The following DOCK5 variants were observed in gnomAD, a reference collection of about 807,000 sequenced individuals.
The protein encoded by DOCK5 is dedicator of cytokinesis protein 5.
Under a neutral mutation model 251.8 loss-of-function variants are expected in DOCK5, and 142 were observed. The observed-to-expected ratio is 0.56, with a 90% CI of 0.49 to 0.65. The LOEUF is 0.65. DOCK5 is among the 30% of genes least tolerant of loss of function. The pLI, the probability that DOCK5 is intolerant of heterozygous loss-of-function variation, is 0.00. For missense variants in DOCK5, 2,111 were observed against 2,312.3 expected (o/e 0.91, Z 1.79); for synonymous variants, 842 against 835.5 (o/e 1.01, Z -0.13).
At position 25,340,635 on chromosome 8, in the gene DOCK5, G is replaced by C. The variant is rs758854775; in HGVS notation, c.2328-242G>C. 2.0e-5 allele frequency among the ~76,000 whole-genome samples: 3 copies of C among 152,150 alleles called. No individual in the cohort carries two copies. The South Asian group carries it at 6.2e-4, about 32-fold the overall frequency. ...TGGTAGAGCAGGCCAGCATCGGCAC[G>C]GGCAGTTCAGTGGCTAAAGTGGAAC... On this transcript the variant is annotated intron_variant, in intron 22 of 51. Coordinates refer to ENST00000276440, the MANE Select transcript of DOCK5 (RefSeq NM_024940.8).
At chr8:25,264,261 G>A (rs757723720) in intron 2 of DOCK5, among the ~76,000 whole-genome samples, 16 of 151,602 alleles carry the variant, frequency 1.1e-4, no homozygotes, top group Non-Finnish European at 1.5e-4. Context: ...ACCAGGGGTC[G>A]GGGTTGGGTG....
rs1393767139 is a variant in DOCK5, at chr8:25,332,309, A to G, written c.1962A>G (p.Leu654=). ...RSNSQNIKHN[L]KKLMEVDGGE... is the part of the protein sequence containing the mutation. Reference sequence around the variant, plus strand: ...ACTCCCAGAACATTAAACACAACCTAAAGAAGTTAATGGAAGTGGATGGAG... The same window carrying G: ...ACTCCCAGAACATTAAACACAACCTGAAGAAGTTAATGGAAGTGGATGGAG... The change falls in exon 19 of 52, where the codon CTA becomes CTG. Residue 654 remains leucine, a synonymous_variant. Coordinates refer to ENST00000276440, the MANE Select transcript of DOCK5 (RefSeq NM_024940.8). 3.1e-6 allele frequency: 5 copies of G among 1,613,504 alleles called. No homozygotes were observed. The highest frequency in any genetic ancestry group is 1.7e-5 in the Admixed American group (1 of 59,986).
chr8:25,379,797 C>T (rs1253152619), intron 38 of DOCK5, among the ~76,000 whole-genome samples: 2 of 152,082 alleles, frequency 1.3e-5, no homozygotes, highest in Non-Finnish European at 2.9e-5. Context: ...TGCAACACCA[C>T]ACAACAGTAC....
chr8:25,354,025 CTT>C (rs1800517715), intron 27 of DOCK5, among the ~76,000 whole-genome samples: 1 of 54,438 alleles, frequency 1.8e-5, no homozygotes. Flanking sequence ...GAGACTTTGT[CTT>C]AAAAAAAAAA....
At chr8:25,225,629 C>G (rs1286697035) in intron 1 of DOCK5, among the ~76,000 whole-genome samples, 1 of 151,830 alleles carries the variant, frequency 6.6e-6, no homozygotes, top group Non-Finnish European at 1.5e-5. Context: ...TGGCATGAAC[C>G]CGGGATGCGG....
intron 2 of DOCK5, among the ~76,000 whole-genome samples, chr8:25,256,247 G>A (rs1331201096): frequency 1.3e-5 from 2 of 152,196 alleles, no homozygotes; most frequent in Non-Finnish European, 2.9e-5. Context: ...TTAAACAACT[G>A]TATCTAGCAA....
In DOCK5 at chr8:25,380,380, C is replaced by T. The variant is rs562203977; in HGVS notation, c.4012C>T (p.Leu1338Phe). ...YESKVFDYEG[L>F]GNLLKKRASF... ...AAGCAAAGTATTTGACTACGAGGGC[C>T]TTGGCAACCTCCTGGTGAGTCTGGG... Residue 1338 changes from leucine (L) to phenylalanine (F), a missense_variant, in exon 39 of 52, where the codon CTT becomes TTT. By Grantham distance (22) the Leu-to-Phe change is conservative (BLOSUM62 0). Coordinates refer to ENST00000276440, the MANE Select transcript of DOCK5 (RefSeq NM_024940.8). 3.7e-6 allele frequency: 6 copies of T among 1,609,192 alleles called. No homozygotes were observed. In the South Asian group the frequency reaches 6.7e-5, roughly 18 times the overall value.
At chr8:25,360,089 T>A (rs1351011307) in intron 28 of DOCK5, among the ~76,000 whole-genome samples, 3 of 152,350 alleles carry the variant, frequency 2.0e-5, no homozygotes, top group South Asian at 2.1e-4. Flanking sequence ...CTGTGCGTAC[T>A]CCAGTCTCTT....
intron 48 of DOCK5, among the ~76,000 whole-genome samples, chr8:25,403,972 C>T (rs1356827783): frequency 6.6e-6 from 1 of 152,068 alleles, no homozygotes; most frequent in African/African-American, 2.4e-5. Context: ...TTCATCATTT[C>T]CATTTTAAAA....
chr8:25,185,072 G>T (rs1247074555), intron 1 of DOCK5, 121 bp downstream of exon 1: 1 of 1,133,058 alleles, frequency 8.8e-7, no homozygotes, highest in Non-Finnish European at 1.1e-6. Flanking sequence ...GCCCGGCTGC[G>T]CAGCTCTGGG....
Position 25,381,622 on chromosome 8 carries a change from T to G in DOCK5, c.4027-1052T>G, listed in dbSNP as rs147137539. ...CAGCCTGGGCAACAGAATGAGACCC[T>G]GTCTCAAAAAAAAAAAAAAATTTCA... On this transcript the variant is annotated intron_variant, in intron 39 of 51. Coordinates refer to ENST00000276440, the MANE Select transcript of DOCK5 (RefSeq NM_024940.8). Among the ~76,000 whole-genome samples the G allele has an allele frequency of 3.6e-3, 536 of 150,570 alleles. 6 individuals are homozygous for G. Among genetic ancestry groups the G allele is most frequent in the African/African-American group, 0.012 (510 of 40,880 alleles).
At chr8:25,292,237 G>T (rs77220418) in intron 6 of DOCK5, 65 bp downstream of exon 6, 1 of 1,451,768 alleles carries the variant, frequency 6.9e-7, no homozygotes. Context: ...TCACGCTAAT[G>T]ACACTGTTTG....
intron 6 of DOCK5, among the ~76,000 whole-genome samples, chr8:25,294,084 G>A (rs1804559132): frequency 6.6e-6 from 1 of 152,174 alleles, no homozygotes; most frequent in African/African-American, 2.4e-5. Flanking sequence ...CTGTCATTTG[G>A]TGTCTTGCCA....
intron 2 of DOCK5, among the ~76,000 whole-genome samples, chr8:25,249,699 AC>A (rs1803215966): frequency 6.6e-6 from 1 of 151,994 alleles, no homozygotes; most frequent in Non-Finnish European, 1.5e-5. Flanking sequence ...GAATCCTCCT[AC>A]TCCAGCCTCC....
chr8:25,331,558 A>C (rs561251628), intron 18 of DOCK5, among the ~76,000 whole-genome samples: 1 of 152,272 alleles, frequency 6.6e-6, no homozygotes, highest in East Asian at 1.9e-4. Context: ...TGTTTGAAAT[A>C]GCCACCTGTC....
intron 43 of DOCK5, among the ~76,000 whole-genome samples, 197 bp from the exon 44 acceptor site, chr8:25,392,599 G>A (rs779749058): frequency 1.1e-4 from 16 of 152,240 alleles, no homozygotes; most frequent in Non-Finnish European, 1.9e-4. Context: ...CCAAGTAGAC[G>A]ATCCCTTTCA....
intron 38 of DOCK5, 66 bp from the exon 39 acceptor site, chr8:25,380,239 G>T (rs1801041218): frequency 6.8e-7 from 1 of 1,460,574 alleles, no homozygotes; most frequent in Non-Finnish European, 9.4e-7. Flanking sequence ...CTCGCCAGTG[G>T]CTTTTGCCAC....
At chr8:25,302,220 A>C in intron 9 of DOCK5, 105 bp from the exon 10 acceptor site, 1 of 1,413,268 alleles carries the variant, frequency 7.1e-7, no homozygotes, top group Non-Finnish European at 9.3e-7. Context: ...AGCATTGAGA[A>C]ATAAGGTCGG....
At chr8:25,243,132 G>A (rs1802997305) in intron 1 of DOCK5, among the ~76,000 whole-genome samples, 1 of 152,020 alleles carries the variant, frequency 6.6e-6, no homozygotes, top group Non-Finnish European at 1.5e-5. Flanking sequence ...AAGTTCCCTG[G>A]GGACAGGGGC....
Sources: allele counts gnomAD v4.1 joint callset (sites outside exome capture counted in the v4.1 genomes callset), GRCh38; gene constraint gnomAD v4.1.1; transcripts MANE v1.5; gene names NCBI Gene and HGNC (gene_info 2026-07-23, HGNC 2026-07-21).